KAZN: variants seen among roughly 807,000 people sequenced by gnomAD.
KAZN encodes kazrin, periplakin interacting protein.
A neutral mutation model predicts 87.4 loss-of-function variants in KAZN; 40 were observed. The observed-to-expected ratio is 0.46, with a 90% confidence interval of 0.36 to 0.60. The LOEUF (loss-of-function observed/expected upper bound fraction) is 0.60, where lower values mean the gene tolerates loss of function less well. Ranked by LOEUF, KAZN falls within the 20% of genes least tolerant of loss-of-function variation. The probability of loss-of-function intolerance (pLI) is 0.00; values close to 1 mark genes in which losing one functional copy is unlikely to be tolerated. For missense variants in KAZN, 898 were observed against 1,073.9 expected (o/e 0.84, Z 2.29); for synonymous variants, 466 against 458.3 (o/e 1.02, Z -0.22).
intron 1 of KAZN, among the ~76,000 whole-genome samples, chr1:13,982,597 C>T (rs1435962056): frequency 6.6e-6 from 1 of 152,190 alleles, no homozygotes; most frequent in African/African-American, 2.4e-5. Context: ...CTTATCTGGC[C>T]CCACCCACAT....
intron 1 of KAZN, among the ~76,000 whole-genome samples, chr1:13,903,745 G>A (rs1639333925): frequency 6.6e-6 from 1 of 152,224 alleles, no homozygotes; most frequent in African/African-American, 2.4e-5. Context: ...GGGAATTAGA[G>A]GAGTGATGGG....
intron 1 of KAZN, among the ~76,000 whole-genome samples, chr1:14,792,214 G>A (rs1207176637): frequency 2.0e-5 from 3 of 152,226 alleles, no homozygotes; most frequent in African/African-American, 7.2e-5. Context: ...GCCAGATGCT[G>A]TGCTGGGTGT....
intron 1 of KAZN, among the ~76,000 whole-genome samples, chr1:14,902,917 G>A (rs1445553286): frequency 1.7e-4 from 1 of 5,826 alleles, no homozygotes; most frequent in African/African-American, 2.1e-4. Flanking sequence ...CACCCAAGCT[G>A]GAGTGCATGT....
intron 2 of KAZN, among the ~76,000 whole-genome samples, chr1:14,225,512 C>A (rs1647232002): frequency 6.6e-6 from 1 of 151,916 alleles, no homozygotes; most frequent in African/African-American, 2.4e-5. Flanking sequence ...ACATTTTTCA[C>A]AAAATTAGAA....
intron 2 of KAZN, among the ~76,000 whole-genome samples, chr1:14,509,123 A>T (rs1467591572): frequency 6.6e-6 from 1 of 152,252 alleles, no homozygotes; most frequent in Non-Finnish European, 1.5e-5. Context: ...TCTCTGAAGC[A>T]CAGTGTACCA....
intron 1 of KAZN, among the ~76,000 whole-genome samples, chr1:14,864,302 C>T (rs565675257): frequency 1.2e-4 from 18 of 152,290 alleles, no homozygotes; most frequent in Admixed American, 6.5e-4. Context: ...CGGTGGCTCA[C>T]GCCTGTAATC....
intron 1 of KAZN, among the ~76,000 whole-genome samples, chr1:14,021,912 A>G (rs1640841798): frequency 6.6e-6 from 1 of 151,218 alleles, no homozygotes; most frequent in Admixed American, 6.6e-5. Context: ...TTTCTCTGGG[A>G]TCAATATTCT....
chr1:15,096,484 C>T lies in KAZN; in HGVS notation c.1547+1551C>T, dbSNP rs373368197. On this transcript the variant is annotated intron_variant, in intron 10 of 14. Coordinates refer to ENST00000376030, the MANE Select transcript of KAZN (RefSeq NM_201628.3). The surrounding 1 kb of genome is among the most constrained non-coding windows in gnomAD (Gnocchi z 4.5). ...CAGCCCCTGCCCCCGACAGCCTCGT[C>T]CCCCAGCATGGCCTGCACTTGTGTG... Among the ~76,000 whole-genome samples the T allele has an allele frequency of 3.7e-4, 56 of 152,352 alleles. No homozygotes were observed. The highest frequency in any genetic ancestry group is 1.3e-3 in the African/African-American group (52 of 41,584).
intron 1 of KAZN, among the ~76,000 whole-genome samples, chr1:13,916,533 T>A (rs1289183270): frequency 2.0e-5 from 3 of 152,156 alleles, no homozygotes; most frequent in African/African-American, 7.2e-5. Flanking sequence ...GCTACACATT[T>A]AGAAGTGGCC....
intron 1 of KAZN, among the ~76,000 whole-genome samples, chr1:14,110,605 C>A (rs1644483695): frequency 1.3e-5 from 1 of 77,770 alleles, no homozygotes; most frequent in Non-Finnish European, 2.6e-5. Context: ...TGGAATGATA[C>A]ATTATTTTTC....
At chr1:14,326,219 C>G (rs1656404184) in intron 2 of KAZN, among the ~76,000 whole-genome samples, 1 of 152,082 alleles carries the variant, frequency 6.6e-6, no homozygotes, top group Admixed American at 6.5e-5. Flanking sequence ...CCGCCGAGTT[C>G]CCACCACCAA....
At chr1:14,809,655 T>C (rs1327406097) in intron 1 of KAZN, among the ~76,000 whole-genome samples, 1 of 152,214 alleles carries the variant, frequency 6.6e-6, no homozygotes, top group Admixed American at 6.5e-5. Context: ...TTTAAAAATT[T>C]CTGGTAGGCA....
At chr1:14,705,597 C>G (rs546581660) in intron 1 of KAZN, among the ~76,000 whole-genome samples, 2 of 152,188 alleles carry the variant, frequency 1.3e-5, no homozygotes, top group East Asian at 3.9e-4. Context: ...TACTATTCAG[C>G]CATAAAAAGA....
chr1:14,104,690 A>G (rs1644330483), intron 1 of KAZN, among the ~76,000 whole-genome samples: 1 of 152,200 alleles, frequency 6.6e-6, no homozygotes, highest in African/African-American at 2.4e-5. Flanking sequence ...GTTTAATATC[A>G]ACCTCATGGC....
Position 14,728,911 on chromosome 1 carries a change from C to T in KAZN, c.226+129688C>T, listed in dbSNP as rs1346387811. 3.9e-5 allele frequency among the ~76,000 whole-genome samples: 6 copies of T among 152,218 alleles called. No homozygotes were observed. The East Asian group carries it at 1.2e-3, about 29-fold the overall frequency. ...TGTGAGTTTGGCCTCCGTTTAAACA[C>T]TCCATAAAGTTTCCTTTTAGGATAA... On this transcript the variant is annotated intron_variant, in intron 1 of 14. Transcript: ENST00000376030.
intron 1 of KAZN, among the ~76,000 whole-genome samples, chr1:14,035,080 A>T (rs1391480605): frequency 2.0e-5 from 3 of 152,196 alleles, no homozygotes; most frequent in Non-Finnish European, 4.4e-5. Flanking sequence ...CAGCAAAAGA[A>T]GGTGTCTTCT....
chr1:15,030,292 G>C (rs1275674025), intron 2 of KAZN, among the ~76,000 whole-genome samples: 1 of 152,054 alleles, frequency 6.6e-6, no homozygotes, highest in Non-Finnish European at 1.5e-5. Flanking sequence ...TTTTGAGACA[G>C]AGTCTCACTC....
intron 1 of KAZN, among the ~76,000 whole-genome samples, chr1:14,955,061 T>C (rs1662921717): frequency 6.6e-6 from 1 of 152,050 alleles, no homozygotes; most frequent in Non-Finnish European, 1.5e-5. Flanking sequence ...TCATCTAGAC[T>C]CATAAAGAGT....
At chr1:14,564,825 T>TAAAATAAAGTAAAATA (rs1350410696) in intron 2 of KAZN, among the ~76,000 whole-genome samples, 2 of 151,668 alleles carry the variant, frequency 1.3e-5, no homozygotes, top group African/African-American at 4.8e-5. Flanking sequence ...AAAATATATA[T>TAAAATAAAGTAAAATA]AAAATAAAGT....
Sources: allele counts gnomAD v4.1 joint callset (sites outside exome capture counted in the v4.1 genomes callset), GRCh38; gene constraint gnomAD v4.1.1; non-coding constraint Gnocchi (gnomAD v3.1); transcripts MANE v1.5; gene names NCBI Gene and HGNC (gene_info 2026-07-23, HGNC 2026-07-21).